Variants in GRAMD1B observed in about 807,000 individuals in gnomAD.
GRAMD1B encodes protein Aster-B.
GRAMD1B carries 37 observed loss-of-function variants against 99.7 expected under a neutral mutation model. That is an observed-to-expected ratio of 0.37 (90% CI 0.29 to 0.49). The LOEUF (loss-of-function observed/expected upper bound fraction) is 0.49, where lower values mean the gene tolerates loss of function less well. Ranked by LOEUF, GRAMD1B falls within the 20% of genes least tolerant of loss-of-function variation. The pLI is 0.98. For synonymous variants in GRAMD1B, 427 were observed against 387.6 expected (o/e 1.10, Z -1.19); for missense variants, 888 against 1,009.2 (o/e 0.88, Z 1.63).
chr11:123,363,996 T>G (rs2135691600), intron 1 of GRAMD1B, among the ~76,000 whole-genome samples: 1 of 152,204 alleles, frequency 6.6e-6, no homozygotes, highest in South Asian at 2.1e-4. Flanking sequence ...CAATCGGACA[T>G]GGTTGGTTGG....
chr11:123,463,969 A>G (rs1254343441), intron 1 of GRAMD1B, among the ~76,000 whole-genome samples: 1 of 152,130 alleles, frequency 6.6e-6, no homozygotes, highest in Non-Finnish European at 1.5e-5. Context: ...CATTATAGGA[A>G]GACTTCAAGA....
intron 1 of GRAMD1B, among the ~76,000 whole-genome samples, chr11:123,415,522 A>T (rs780069583): frequency 2.6e-5 from 4 of 151,582 alleles, no homozygotes; most frequent in Non-Finnish European, 4.4e-5. Context: ...TGGTCTTGGG[A>T]TGAAGCTCTG....
Position 123,565,425 on chromosome 11 carries a change from G to A in GRAMD1B, c.453-11942G>A, listed in dbSNP as rs182582908. On this transcript the variant is annotated intron_variant, in intron 2 of 19. Transcript: ENST00000635736. ...TGTGGATACAAACAACCATGACACT[G>A]TTGCTGTCCTATTGGGCCCTCAGGA... 2.0e-5 allele frequency among the ~76,000 whole-genome samples: 3 copies of A among 152,334 alleles called. No homozygotes were observed. In the East Asian group the frequency reaches 5.8e-4, roughly 29 times the overall value.
At chr11:123,384,209 C>T (rs1212046249) in intron 1 of GRAMD1B, among the ~76,000 whole-genome samples, 1 of 152,066 alleles carries the variant, frequency 6.6e-6, no homozygotes, top group Non-Finnish European at 1.5e-5. Context: ...ATGTATTGCC[C>T]TAAGTGTCTT....
intron 1 of GRAMD1B, among the ~76,000 whole-genome samples, chr11:123,413,098 C>A (rs1565482829): frequency 6.6e-6 from 1 of 152,086 alleles, no homozygotes; most frequent in South Asian, 2.1e-4. Context: ...CTCTTTTTTA[C>A]TTTACAAGTG....
At chr11:123,582,336 C>T (rs755854550) in intron 3 of GRAMD1B, among the ~76,000 whole-genome samples, 1 of 152,172 alleles carries the variant, frequency 6.6e-6, no homozygotes, top group Non-Finnish European at 1.5e-5. Context: ...TGCCTAGAGG[C>T]GAGTTTTCAG....
At chr11:123,446,497 A>G (rs750323224) in intron 1 of GRAMD1B, among the ~76,000 whole-genome samples, 7 of 152,094 alleles carry the variant, frequency 4.6e-5, no homozygotes, top group Non-Finnish European at 8.8e-5. Context: ...GTTTTCAGCC[A>G]TTGTCAGCCA....
chr11:123,377,799 A>G lies in GRAMD1B; in HGVS notation c.-176+19000A>G, dbSNP rs932789534. Among the ~76,000 whole-genome samples the G allele has an allele frequency of 5.9e-5, 9 of 152,320 alleles. No individual in the cohort carries two copies. The South Asian group carries it at 1.9e-3, about 32-fold the overall frequency. ...GACCCTGAACTAGGAACTTGAGGAG[A>G]AAGATTAGCCATCTAAAGAAAAGAC... is the stretch of plus-strand genomic sequence containing the variant. On this transcript the variant is annotated intron_variant, in intron 1 of 20. Coordinates refer to the GRAMD1B transcript ENST00000638157.
intron 3 of GRAMD1B, 111 bp downstream of exon 3, chr11:123,577,688 T>C (rs930148539): frequency 6.4e-6 from 5 of 780,242 alleles, no homozygotes; most frequent in African/African-American, 1.7e-5. Flanking sequence ...TGAACAGCCC[T>C]GATGGCTCAG....
At chr11:123,533,472 G>T (rs1285035501) in intron 2 of GRAMD1B, among the ~76,000 whole-genome samples, 2 of 151,386 alleles carry the variant, frequency 1.3e-5, no homozygotes, top group African/African-American at 4.9e-5. Context: ...TGTCACCTAG[G>T]CTAGAGTGCA....
chr11:123,515,098 G>A (rs1290931558), intron 2 of GRAMD1B, among the ~76,000 whole-genome samples: 1 of 152,208 alleles, frequency 6.6e-6, no homozygotes, highest in Non-Finnish European at 1.5e-5. Context: ...GAACTGACAC[G>A]ACGTAGTTCC....
At chr11:123,439,549 C>G (rs890953337) in intron 1 of GRAMD1B, among the ~76,000 whole-genome samples, 4 of 152,142 alleles carry the variant, frequency 2.6e-5, no homozygotes, top group Admixed American at 1.3e-4. Context: ...GAGGCCCTAA[C>G]ACATTGGGTA....
At chr11:123,413,927 C>G (rs1948139165) in intron 1 of GRAMD1B, among the ~76,000 whole-genome samples, 2 of 152,122 alleles carry the variant, frequency 1.3e-5, no homozygotes, top group South Asian at 4.1e-4. Context: ...AGACGCAGCT[C>G]AAGTCATCAT....
intron 19 of GRAMD1B, among the ~76,000 whole-genome samples, chr11:123,620,562 A>G (rs1954999644): frequency 6.6e-6 from 1 of 151,800 alleles, no homozygotes; most frequent in Admixed American, 6.6e-5. Flanking sequence ...CACTACACTT[A>G]AGGAGGGCAT....
intron 2 of GRAMD1B, among the ~76,000 whole-genome samples, chr11:123,559,433 T>A (rs1333162049): frequency 6.6e-6 from 1 of 152,180 alleles, no homozygotes; most frequent in African/African-American, 2.4e-5. Context: ...CCAGATCCAC[T>A]AAACAGGTCA....
intron 1 of GRAMD1B, among the ~76,000 whole-genome samples, chr11:123,436,816 A>G (rs554606638): frequency 6.6e-6 from 1 of 152,232 alleles, no homozygotes; most frequent in Non-Finnish European, 1.5e-5. Flanking sequence ...GGTTTGTTAC[A>G]TATGTATACA....
intron 1 of GRAMD1B, among the ~76,000 whole-genome samples, chr11:123,403,917 G>T (rs1270639264): frequency 6.6e-6 from 1 of 152,052 alleles, no homozygotes; most frequent in African/African-American, 2.4e-5. Context: ...CTTAGAAAAA[G>T]AAAAAATTGA....
chr11:123,614,536 A>G (rs370108767), intron 16 of GRAMD1B, among the ~76,000 whole-genome samples: 5 of 152,248 alleles, frequency 3.3e-5, no homozygotes, highest in Middle Eastern at 3.4e-3. Flanking sequence ...CATTTGTTCA[A>G]TGATGACCTG....
chr11:123,477,688 C>A (rs1951360407), intron 1 of GRAMD1B, among the ~76,000 whole-genome samples: 1 of 146,620 alleles, frequency 6.8e-6, no homozygotes, highest in Non-Finnish European at 1.5e-5. Context: ...CTCCTTCTCC[C>A]TTCCTTTCCC....
Sources: gnomAD v4.1 joint callset for allele counts (sites outside exome capture counted in the v4.1 genomes callset) on GRCh38, gnomAD v4.1.1 for gene constraint, MANE v1.5 for transcripts, NCBI Gene and HGNC (gene_info 2026-07-23, HGNC 2026-07-21) for gene names.